Variants in SATB2 observed in about 807,000 individuals in gnomAD.
SATB2 encodes SATB homeobox 2, also known as DNA-binding protein SATB2.
Under a neutral mutation model 73.4 loss-of-function variants are expected in SATB2, and 1 was observed. The observed-to-expected ratio is 0.01, with a 90% confidence interval of 0.00 to 0.06. The LOEUF (loss-of-function observed/expected upper bound fraction) is 0.06. SATB2 is among the 10% of genes least tolerant of loss of function. SATB2 has a pLI of 1.00. For synonymous variants in SATB2, 397 were observed against 367.0 expected, an observed-to-expected ratio of 1.08 and a Z score of -0.93; for missense variants, 459 against 945.8, an observed-to-expected ratio of 0.49 and a Z score of 6.75.
At chr2:199,409,138 C>A (rs1215067148) in intron 3 of SATB2, among the ~76,000 whole-genome samples, 8 of 148,984 alleles carry the variant, frequency 5.4e-5, no homozygotes, top group Non-Finnish European at 5.9e-5. Context: ...AGATCATGTG[C>A]AAAGCTCCAA....
chr2:199,405,330 G>T (rs997773126), intron 3 of SATB2, among the ~76,000 whole-genome samples: 4 of 152,178 alleles, frequency 2.6e-5, no homozygotes. Flanking sequence ...ATGGACTTAA[G>T]TGGTGGTTCT....
chr2:199,365,122 G>T (rs1574550462), intron 6 of SATB2, among the ~76,000 whole-genome samples: 1 of 151,998 alleles, frequency 6.6e-6, no homozygotes, highest in East Asian at 1.9e-4. Context: ...AATGTTTCTA[G>T]GTGTCTATGG....
chr2:199,375,212 G>A (rs1035237604), intron 5 of SATB2, among the ~76,000 whole-genome samples: 1 of 152,120 alleles, frequency 6.6e-6, no homozygotes, highest in African/African-American at 2.4e-5. Context: ...TTTCAAATTG[G>A]AACAGCTAAG....
chr2:199,451,103 C>CAT (rs1692110493), intron 2 of SATB2, among the ~76,000 whole-genome samples: 1 of 151,030 alleles, frequency 6.6e-6, no homozygotes, highest in Non-Finnish European at 1.5e-5. Flanking sequence ...CACACACACA[C>CAT]ACACACACAC....
rs71015892 is a variant in SATB2, at chr2:199,328,548, TTAAAATAAAA to T, written c.1386+140_1386+149del. On this transcript the variant is annotated intron_variant, in intron 8 of 10. Transcript: ENST00000417098. The stretch of plus-strand genomic sequence containing the variant: ...AAAGCAAGACTCCATCTCAAAAAAA[TTAAAATAAAA>T]TAAAATAAAATAAGAAAAGAAAAAA... 235 of 591,532 alleles carry T rather than the reference TTAAAATAAAA, an allele frequency of 4.0e-4. 2 individuals carry two copies. Among genetic ancestry groups the T allele is most frequent in the Non-Finnish European group, 5.8e-4 (206 of 355,102 alleles). 36.6% of individuals were successfully genotyped at this position (591,532 alleles called of 1,614,324 possible).
intron 3 of SATB2, among the ~76,000 whole-genome samples, chr2:199,429,208 G>A (rs1691427316): frequency 6.6e-6 from 1 of 151,882 alleles, no homozygotes; most frequent in Non-Finnish European, 1.5e-5. Context: ...TATCAAAATT[G>A]GGGAATAAGA....
At chr2:199,426,809 CATCT>C (rs1691349210) in intron 3 of SATB2, among the ~76,000 whole-genome samples, 3 of 151,670 alleles carry the variant, frequency 2.0e-5, no homozygotes, top group Admixed American at 2.0e-4. Flanking sequence ...TCTGACTGTC[CATCT>C]ATTTATTTAT....
intron 2 of SATB2, among the ~76,000 whole-genome samples, chr2:199,451,032 T>C (rs969619174): frequency 4.0e-5 from 6 of 151,812 alleles, no homozygotes; most frequent in African/African-American, 1.5e-4. Context: ...AAGGATGATA[T>C]TGCTTATTTT....
chr2:199,371,658 G>A (rs1180693549), intron 5 of SATB2, among the ~76,000 whole-genome samples: 1 of 152,116 alleles, frequency 6.6e-6, no homozygotes, highest in Non-Finnish European at 1.5e-5. Flanking sequence ...TAATTTTGCA[G>A]TTTATGTTGC....
chr2:199,375,276 G>C (rs1476407603), intron 5 of SATB2, among the ~76,000 whole-genome samples: 1 of 152,172 alleles, frequency 6.6e-6, no homozygotes, highest in East Asian at 1.9e-4. Flanking sequence ...AGGATGCTCA[G>C]GACAGCCAGT....
At chr2:199,403,230 TCACA>T (rs1690533980) in intron 3 of SATB2, among the ~76,000 whole-genome samples, 1 of 152,162 alleles carries the variant, frequency 6.6e-6, no homozygotes, top group Non-Finnish European at 1.5e-5. Flanking sequence ...TATGTTATAC[TCACA>T]CAATCAGCCA....
intron 10 of SATB2, among the ~76,000 whole-genome samples, chr2:199,290,478 T>C (rs1692824272): frequency 6.6e-6 from 1 of 152,182 alleles, no homozygotes; most frequent in African/African-American, 2.4e-5. Context: ...TCCTTAAATT[T>C]AGAACACATC....
At chr2:199,422,116 T>C (rs1171888878) in intron 3 of SATB2, among the ~76,000 whole-genome samples, 1 of 152,036 alleles carries the variant, frequency 6.6e-6, no homozygotes, top group Non-Finnish European at 1.5e-5. Context: ...ATATAGACTA[T>C]GGAAGTTATA....
chr2:199,342,598 C>T (rs796830202), intron 7 of SATB2, among the ~76,000 whole-genome samples: 13 of 152,196 alleles, frequency 8.5e-5, no homozygotes, highest in African/African-American at 3.1e-4. Flanking sequence ...ATTGCATGAC[C>T]TCTAATGTGC....
At chr2:199,383,868 A>T (rs572784765) in intron 3 of SATB2, among the ~76,000 whole-genome samples, 1 of 152,330 alleles carries the variant, frequency 6.6e-6, no homozygotes, top group African/African-American at 2.4e-5. Flanking sequence ...ATACAAGAAC[A>T]GGCAAGACTA....
intron 3 of SATB2, among the ~76,000 whole-genome samples, chr2:199,385,626 T>C (rs1482887496): frequency 6.6e-6 from 1 of 152,190 alleles, no homozygotes. Context: ...TTATCTTAAG[T>C]AGCCTAGGTA....
In SATB2 at chr2:199,308,302, T is replaced by C. The variant is rs1170053251; in HGVS notation, c.1740+458A>G. On this transcript the variant is annotated intron_variant, in intron 10 of 10. Coordinates refer to ENST00000417098, the MANE Select transcript of SATB2 (RefSeq NM_001172509.2). This position sits in a 1 kb window ranked among gnomAD's most constrained non-coding sequence, Gnocchi z 4.6. The stretch of plus-strand genomic sequence containing the variant: ...TCTCTCAAGGTTCAGCTGAGTTCAA[T>C]GGTATTCCCTAGGTCATGTGGCTAT... 2.0e-5 allele frequency among the ~76,000 whole-genome samples: 3 copies of C among 152,204 alleles called. No individual in the cohort carries two copies. The highest frequency in any genetic ancestry group is 4.4e-5 in the Non-Finnish European group (3 of 68,036).
At chr2:199,273,555 T>TAA (rs1339781478) in intron 10 of SATB2, among the ~76,000 whole-genome samples, 2 of 152,212 alleles carry the variant, frequency 1.3e-5, no homozygotes. Flanking sequence ...TTGAGTCTTT[T>TAA]GATTTTAAAT....
intron 10 of SATB2, among the ~76,000 whole-genome samples, chr2:199,295,750 T>C (rs191573376): frequency 6.6e-6 from 1 of 152,260 alleles, no homozygotes; most frequent in Admixed American, 6.5e-5. Context: ...TTCCATAAAA[T>C]ATTCTATATC....
Sources: gnomAD v4.1 joint callset for allele counts (sites outside exome capture counted in the v4.1 genomes callset) on GRCh38, gnomAD v4.1.1 for gene constraint, Gnocchi (gnomAD v3.1) non-coding constraint, MANE v1.5 for transcripts, NCBI Gene and HGNC (gene_info 2026-07-23, HGNC 2026-07-21) for gene names.